The following KCNK13 variants were observed in gnomAD, a reference collection of about 807,000 sequenced individuals.
The protein encoded by KCNK13 is potassium channel subfamily K member 13.
A neutral mutation model predicts 23.4 loss-of-function variants in KCNK13; 12 were observed. The ratio of observed to expected loss-of-function variants is 0.51; its 90% confidence interval spans 0.33 to 0.83. The LOEUF (loss-of-function observed/expected upper bound fraction) is 0.83, where lower values mean the gene tolerates loss of function less well. Among genes scored for constraint, KCNK13 ranks in the 40% least tolerant of loss-of-function variants. KCNK13 has a pLI of 0.02. For missense variants in KCNK13, 463 were observed against 556.3 expected (o/e 0.83, Z 1.69); for synonymous variants, 231 against 229.5 (o/e 1.01, Z -0.06).
intron 1 of KCNK13, chr14:90,107,825 AC>A: frequency 1.2e-6 from 1 of 864,434 alleles, no homozygotes; most frequent in Non-Finnish European, 2.0e-6. Context: ...GATCACAACC[AC>A]CAACCACACT....
chr14:90,069,542 T>TTC (rs1889049907), intron 1 of KCNK13, among the ~76,000 whole-genome samples: 2 of 151,534 alleles, frequency 1.3e-5, no homozygotes, highest in South Asian at 2.1e-4. Flanking sequence ...TTTTTTTTTT[T>TTC]CTCAGAGGAA....
intron 1 of KCNK13, among the ~76,000 whole-genome samples, chr14:90,105,116 C>T (rs111397359): frequency 1.3e-5 from 2 of 152,120 alleles, no homozygotes; most frequent in African/African-American, 4.8e-5. Flanking sequence ...CATTTTGCTA[C>T]GTTAGGTAAA....
chr14:90,126,251 C>G (rs1219485435), intron 1 of KCNK13, among the ~76,000 whole-genome samples: 1 of 152,014 alleles, frequency 6.6e-6, no homozygotes, highest in Non-Finnish European at 1.5e-5. Context: ...GCCATGAACT[C>G]CCCACTCCTA....
At chr14:90,121,972 T>C (rs1327486704) in intron 1 of KCNK13, among the ~76,000 whole-genome samples, 1 of 152,092 alleles carries the variant, frequency 6.6e-6, no homozygotes, top group Non-Finnish European at 1.5e-5. Context: ...TGCCCGCCTC[T>C]GCCTCCCAAA....
intron 1 of KCNK13, among the ~76,000 whole-genome samples, chr14:90,165,518 C>G (rs958683097): frequency 6.6e-6 from 1 of 152,170 alleles, no homozygotes; most frequent in Non-Finnish European, 1.5e-5. Flanking sequence ...TTTTCTCACT[C>G]ACGTTGAAGA....
intron 1 of KCNK13, among the ~76,000 whole-genome samples, chr14:90,072,694 C>T (rs562127686): frequency 1.3e-5 from 2 of 152,356 alleles, no homozygotes; most frequent in African/African-American, 4.8e-5. Flanking sequence ...CTTCTGATTT[C>T]TGCGACTACA....
chr14:90,115,329 G>T (rs1889663725), intron 1 of KCNK13, among the ~76,000 whole-genome samples: 2 of 152,140 alleles, frequency 1.3e-5, no homozygotes, highest in South Asian at 4.1e-4. Context: ...CGCTCCTGCT[G>T]GTCACTGGGC....
chr14:90,152,214 A>G (rs1474946498), intron 1 of KCNK13, among the ~76,000 whole-genome samples: 1 of 152,188 alleles, frequency 6.6e-6, no homozygotes, highest in Non-Finnish European at 1.5e-5. Flanking sequence ...GTTTCCCTGC[A>G]CACATTCTCT....
chr14:90,154,937 C>T (rs1890177525), intron 1 of KCNK13, among the ~76,000 whole-genome samples: 1 of 152,060 alleles, frequency 6.6e-6, no homozygotes, highest in Non-Finnish European at 1.5e-5. Flanking sequence ...TTTGTTGAGC[C>T]CTTACTATGT....
chr14:90,185,017 A>T lies in KCNK13; in HGVS notation c.*14A>T, dbSNP rs537970711. 8 of 1,555,334 alleles carry T rather than the reference A, an allele frequency of 5.1e-6. No homozygotes were observed. Among genetic ancestry groups the T allele is most frequent in the Non-Finnish European group, 6.9e-6 (8 of 1,152,394 alleles). ...GGGGACAGGTAGAAGCCAGGAGTGGATGCTGGGCAGAGGCCAGAGTAGAAT... is the reference window on the plus strand; with the variant it reads ...GGGGACAGGTAGAAGCCAGGAGTGGTTGCTGGGCAGAGGCCAGAGTAGAAT... On this transcript the variant is annotated 3_prime_UTR_variant, in exon 2 of 2. Transcript: ENST00000282146.
chr14:90,067,818 C>G (rs749824968), intron 1 of KCNK13, among the ~76,000 whole-genome samples: 1 of 152,078 alleles, frequency 6.6e-6, no homozygotes, highest in Non-Finnish European at 1.5e-5. Context: ...GAGCTTGTCC[C>G]CGTGTTTGCT....
intron 1 of KCNK13, among the ~76,000 whole-genome samples, chr14:90,127,292 C>T (rs1889812064): frequency 6.6e-6 from 1 of 151,982 alleles, no homozygotes; most frequent in African/African-American, 2.4e-5. Flanking sequence ...TTCTCCATGC[C>T]TGGCACCCTA....
chr14:90,171,529 C>G (rs1178955798), intron 1 of KCNK13, among the ~76,000 whole-genome samples: 2 of 152,178 alleles, frequency 1.3e-5, no homozygotes, highest in Non-Finnish European at 2.9e-5. Flanking sequence ...TGTGATGCAG[C>G]CTCAGGAAGT....
rs1338393226 is a variant in KCNK13, at chr14:90,062,633, T to G, written c.334+94T>G. On this transcript the variant is annotated intron_variant, in intron 1 of 1. Coordinates refer to ENST00000282146, the MANE Select transcript of KCNK13 (RefSeq NM_022054.4). This position sits in a 1 kb window ranked among gnomAD's most constrained non-coding sequence, Gnocchi z 4.5. ...ACCCTCTCATCCTTTCATTCATCCA[T>G]CTGGGCGCCCAGCCAGACTCCACTG... 4 of 977,326 alleles carry G rather than the reference T, an allele frequency of 4.1e-6. No homozygotes were observed. The highest frequency in any genetic ancestry group is 5.8e-6 in the Non-Finnish European group (4 of 689,164). The allele number at this position is 977,326 out of a possible 1,614,324, so 60.5% of individuals were successfully genotyped here.
At chr14:90,069,315 T>A (rs1286926) in intron 1 of KCNK13, among the ~76,000 whole-genome samples, 82,995 of 151,806 alleles carry the variant, frequency 0.55, 23,185 homozygotes, top group African/African-American at 0.67. Flanking sequence ...GATTATAGGC[T>A]TGAGCCACTG....
At chr14:90,170,184 CA>C (rs199897479) in intron 1 of KCNK13, among the ~76,000 whole-genome samples, 1,650 of 145,800 alleles carry the variant, frequency 0.011, 50 homozygotes, top group East Asian at 0.08. Context: ...GATTGTCAAT[CA>C]AAAAAAAAAA....
At chr14:90,080,161 A>G (rs971336674) in intron 1 of KCNK13, among the ~76,000 whole-genome samples, 6 of 152,144 alleles carry the variant, frequency 3.9e-5, no homozygotes, top group Non-Finnish European at 8.8e-5. Flanking sequence ...GACATTCAAT[A>G]AACAATTGAA....
chr14:90,064,660 T>C (rs912499872), intron 1 of KCNK13, among the ~76,000 whole-genome samples: 8 of 152,122 alleles, frequency 5.3e-5, no homozygotes, highest in Admixed American at 2.0e-4. Context: ...TGCCCCCTGC[T>C]CCCTCCGTCT....
chr14:90,079,080 G>A (rs754847650), intron 1 of KCNK13, among the ~76,000 whole-genome samples: 4 of 152,206 alleles, frequency 2.6e-5, no homozygotes, highest in Non-Finnish European at 5.9e-5. Flanking sequence ...TCAACCAGGA[G>A]TTGGGCCTCT....
Sources: allele counts gnomAD v4.1 joint callset (sites outside exome capture counted in the v4.1 genomes callset), GRCh38; gene constraint gnomAD v4.1.1; non-coding constraint Gnocchi (gnomAD v3.1); transcripts MANE v1.5; gene names NCBI Gene and HGNC (gene_info 2026-07-23, HGNC 2026-07-21).